MEOX2: variants seen among roughly 807,000 people sequenced by gnomAD.
MEOX2 encodes mesenchyme homeobox 2.
MEOX2 carries 11 observed loss-of-function variants against 27.0 expected under a neutral mutation model. The ratio of observed to expected loss-of-function variants is 0.41; its 90% CI spans 0.26 to 0.68. The LOEUF (loss-of-function observed/expected upper bound fraction) is 0.68, where lower values mean the gene tolerates loss of function less well. Ranked by LOEUF, MEOX2 falls within the 30% of genes least tolerant of loss-of-function variation. The pLI is 0.33. For missense variants in MEOX2, 436 were observed against 385.4 expected (o/e 1.13, Z -1.10); for synonymous variants, 189 against 155.4 (o/e 1.22, Z -1.61).
At chr7:15,679,029 C>T (rs1259447411) in intron 1 of MEOX2, 1 of 152,140 alleles carries the variant, frequency 6.6e-6, no homozygotes, top group South Asian at 2.1e-4. Flanking sequence ...CAGCTTAAGC[C>T]TGCTGGACTC....
intron 1 of MEOX2, among the ~76,000 whole-genome samples, chr7:15,646,395 T>C (rs533934769): frequency 1.6e-4 from 24 of 152,122 alleles, no homozygotes; most frequent in African/African-American, 5.8e-4. Context: ...ATCTCTCACA[T>C]AGCTACACAG....
At chr7:15,644,743 TCTGGAGTAATGTACAGTGAATTATAC>T (rs1781616771) in intron 1 of MEOX2, among the ~76,000 whole-genome samples, 3 of 152,214 alleles carry the variant, frequency 2.0e-5, no homozygotes, top group Admixed American at 2.0e-4. Flanking sequence ...TGAATCTTTT[TCTGGAGTAATGTACAGTGAATTATAC>T]CCAGTTGTGT....
At chr7:15,633,941 C>G (rs1245936017) in intron 1 of MEOX2, among the ~76,000 whole-genome samples, 1 of 151,886 alleles carries the variant, frequency 6.6e-6, no homozygotes, top group Non-Finnish European at 1.5e-5. Context: ...AGAAATTTAA[C>G]TGACCTTCAG....
intron 1 of MEOX2, among the ~76,000 whole-genome samples, chr7:15,660,880 G>C (rs1379601161): frequency 2.6e-5 from 4 of 151,872 alleles, no homozygotes; most frequent in African/African-American, 7.3e-5. Flanking sequence ...AGGCATGATG[G>C]CGGGTGTCTG....
chr7:15,677,119 A>G (rs1029099969), intron 1 of MEOX2, among the ~76,000 whole-genome samples: 38 of 152,276 alleles, frequency 2.5e-4, no homozygotes, highest in African/African-American at 8.9e-4. Context: ...ATTATTTTAA[A>G]TCTTTAGTAA....
chr7:15,631,788 A>G (rs1358366889), intron 1 of MEOX2, among the ~76,000 whole-genome samples: 1 of 151,796 alleles, frequency 6.6e-6, no homozygotes, highest in African/African-American at 2.4e-5. Context: ...TATAAAATCT[A>G]TATATTTTAC....
At chr7:15,660,653 C>G (rs1226446632) in intron 1 of MEOX2, among the ~76,000 whole-genome samples, 1 of 152,140 alleles carries the variant, frequency 6.6e-6, no homozygotes, top group Non-Finnish European at 1.5e-5. Context: ...AACCACTGAT[C>G]CCATATTAAA....
intron 1 of MEOX2, among the ~76,000 whole-genome samples, chr7:15,683,489 C>T (rs572520670): frequency 5.9e-4 from 90 of 151,992 alleles, no homozygotes; most frequent in African/African-American, 2.0e-3. Context: ...GAGAGATATA[C>T]GTATTAATAG....
Position 15,686,003 on chromosome 7 carries a change from A to C in MEOX2, c.400T>G (p.Leu134Val). 1.2e-6 allele frequency: 2 copies of C among 1,608,978 alleles called. No individual in the cohort carries two copies. Residue 134 changes from leucine (L) to valine (V), a missense_variant, in exon 1 of 3, where the codon TTG becomes GTG. Coordinates refer to ENST00000262041, the MANE Select transcript of MEOX2 (RefSeq NM_005924.5). Reference protein sequence around the residue: ...PPVLCSNSSSLGSSTPTGAAC... With the variant: ...PPVLCSNSSSVGSSTPTGAAC... ...GCCCCAGTCGGGGTGCTGGAGCCCA[A>C]GCTGGAAGAGTTGGAGCACAGGACG... is the stretch of plus-strand genomic sequence containing the variant.
intron 2 of MEOX2, among the ~76,000 whole-genome samples, chr7:15,624,280 G>A (rs554063446): frequency 5.7e-4 from 87 of 152,280 alleles, no homozygotes; most frequent in African/African-American, 2.0e-3. Flanking sequence ...AAAACTGCAC[G>A]TAGAGATTTA....
rs1047491021 is a variant in MEOX2 at position 15,611,821 on chromosome 7, G to C, written c.*566C>G. 3 of 153,252 alleles carry C rather than the reference G, an allele frequency of 2.0e-5. No homozygotes were observed. Among genetic ancestry groups the C allele is most frequent in the African/African-American group, 7.2e-5 (3 of 41,448 alleles). 9.5% of individuals were successfully genotyped at this position (153,252 alleles called of 1,614,324 possible). A position where few individuals can be genotyped will look rare whatever the true frequency, so the allele number is the denominator to read the frequency against. On this transcript the variant is annotated 3_prime_UTR_variant, in exon 3 of 3. Transcript: ENST00000262041. ...TGCATTGCTAAATTAGTGAAGACAG[G>C]AAAATGACTTAAGGGTAATATATAC...
intron 1 of MEOX2, chr7:15,677,323 C>T (rs1221413174): frequency 6.6e-6 from 1 of 152,118 alleles, no homozygotes; most frequent in East Asian, 1.9e-4. Context: ...AACTCAATTT[C>T]CTTTTCAGAA....
chr7:15,612,020 T>A lies in MEOX2; in HGVS notation c.*367A>T, dbSNP rs1781040695. Reference sequence around the variant, plus strand: ...ACACATCTGGAATGTTCAATGCAAGTTCATCCTCGGCATCTTCACTCTGGA... The same window carrying A: ...ACACATCTGGAATGTTCAATGCAAGATCATCCTCGGCATCTTCACTCTGGA... On this transcript the variant is annotated 3_prime_UTR_variant, in exon 3 of 3. Transcript: ENST00000262041. 4.0e-6 allele frequency: 1 copy of A among 250,618 alleles called. No homozygotes were observed. The highest frequency in any genetic ancestry group is 4.9e-5 in the Admixed American group (1 of 20,536). The allele number at this position is 250,618 out of a possible 1,614,324, so 15.5% of individuals were successfully genotyped here. A position where few individuals can be genotyped will look rare whatever the true frequency, so the allele number is the denominator to read the frequency against.
intron 1 of MEOX2, among the ~76,000 whole-genome samples, chr7:15,670,707 G>A (rs1169233447): frequency 2.6e-5 from 4 of 152,128 alleles, no homozygotes; most frequent in African/African-American, 7.2e-5. Context: ...ATAAAACAGT[G>A]TTAAAATAAT....
At chr7:15,634,024 G>A (rs971869062) in intron 1 of MEOX2, among the ~76,000 whole-genome samples, 2 of 151,800 alleles carry the variant, frequency 1.3e-5, no homozygotes, top group Admixed American at 1.3e-4. Flanking sequence ...CATATCTCGT[G>A]TAACTAATGG....
chr7:15,646,034 C>A (rs1781642865), intron 1 of MEOX2, among the ~76,000 whole-genome samples: 1 of 151,972 alleles, frequency 6.6e-6, no homozygotes, highest in South Asian at 2.1e-4. Flanking sequence ...AAGTTAGTAG[C>A]CACACAATAA....
intron 2 of MEOX2, among the ~76,000 whole-genome samples, chr7:15,619,637 G>C (rs188627909): frequency 6.6e-6 from 1 of 151,732 alleles, no homozygotes; most frequent in East Asian, 1.9e-4. Context: ...CATATACACA[G>C]ATATGTGTGT....
intron 1 of MEOX2, among the ~76,000 whole-genome samples, chr7:15,634,446 G>C (rs1323111668): frequency 6.6e-6 from 1 of 151,796 alleles, no homozygotes; most frequent in East Asian, 1.9e-4. Flanking sequence ...AATAAATAAA[G>C]TTTTAGTATG....
intron 1 of MEOX2, among the ~76,000 whole-genome samples, chr7:15,642,362 T>C (rs1744535384): frequency 6.6e-6 from 1 of 152,180 alleles, no homozygotes; most frequent in African/African-American, 2.4e-5. Context: ...AAAAGTACAG[T>C]CTTCAAGCTC....
Sources: gnomAD v4.1 joint callset for allele counts (sites outside exome capture counted in the v4.1 genomes callset) on GRCh38, gnomAD v4.1.1 for gene constraint, MANE v1.5 for transcripts, NCBI Gene and HGNC (gene_info 2026-07-23, HGNC 2026-07-21) for gene names.